The following STK4 variants were observed in gnomAD, a reference collection of about 807,000 sequenced individuals.
STK4 encodes serine/threonine kinase 4, also known as serine/threonine-protein kinase 4.
Under a neutral mutation model 64.9 loss-of-function variants are expected in STK4, and 30 were observed. The ratio of observed to expected loss-of-function variants is 0.46; its 90% CI spans 0.35 to 0.63. The LOEUF is 0.63. Among genes scored for constraint, STK4 ranks in the 20% least tolerant of loss-of-function variants. The probability of loss-of-function intolerance (pLI) is 0.01; values close to 1 mark genes in which losing one functional copy is unlikely to be tolerated. For synonymous variants in STK4, 177 were observed against 199.0 expected (o/e 0.89, Z 0.93); for missense variants, 466 against 598.5 (o/e 0.78, Z 2.31).
chr20:44,970,067 A>C (rs1051521363), intron 1 of STK4, among the ~76,000 whole-genome samples: 2 of 152,134 alleles, frequency 1.3e-5, no homozygotes, highest in African/African-American at 4.8e-5. Context: ...ATAGCCCCGG[A>C]TCAAAAACAA....
At chr20:45,062,178 C>T (rs928893089) in intron 10 of STK4, among the ~76,000 whole-genome samples, 1 of 152,092 alleles carries the variant, frequency 6.6e-6, no homozygotes, top group African/African-American at 2.4e-5. Context: ...CCGTGCCTGG[C>T]CTCAGTATTT....
Position 45,054,130 on chromosome 20 carries a change from G to A in STK4, c.1306-20888G>A, listed in dbSNP as rs112584871. On this transcript the variant is annotated intron_variant, in intron 10 of 10. Coordinates refer to ENST00000372806, the MANE Select transcript of STK4 (RefSeq NM_006282.5). ...TGTTACCAAGGCAAGTGACTAAATCGTGGGTTCTCTGTATGCTAATGCTGC... is the reference window on the plus strand; with the variant it reads ...TGTTACCAAGGCAAGTGACTAAATCATGGGTTCTCTGTATGCTAATGCTGC... Among the ~76,000 whole-genome samples, 697 of 152,256 alleles carry A rather than the reference G, an allele frequency of 4.6e-3. 5 individuals are homozygous for A. The highest frequency in any genetic ancestry group is 0.016 in the African/African-American group (672 of 41,532).
chr20:44,969,224 A>G (rs1385417483), intron 1 of STK4, among the ~76,000 whole-genome samples: 2 of 152,240 alleles, frequency 1.3e-5, no homozygotes, highest in East Asian at 3.8e-4. Flanking sequence ...AGCTGGGGAC[A>G]CAGTTTTATT....
intron 7 of STK4, among the ~76,000 whole-genome samples, chr20:44,999,487 G>A (rs906251098): frequency 6.6e-6 from 1 of 152,180 alleles, no homozygotes; most frequent in Non-Finnish European, 1.5e-5. Context: ...GACAATATTG[G>A]AGTAAGTTTG....
At chr20:45,024,376 T>G (rs2068306743) in intron 9 of STK4, among the ~76,000 whole-genome samples, 2 of 152,102 alleles carry the variant, frequency 1.3e-5, no homozygotes, top group Non-Finnish European at 2.9e-5. Context: ...TGTATCCTAT[T>G]TTTTCCTGTA....
At chr20:45,068,666 A>G (rs1270300600) in intron 10 of STK4, among the ~76,000 whole-genome samples, 1 of 152,142 alleles carries the variant, frequency 6.6e-6, no homozygotes. Context: ...TGTTTCTTCC[A>G]GTTGCTTGTT....
At chr20:44,974,683 A>G (rs1379944739) in intron 2 of STK4, 3 of 151,888 alleles carry the variant, frequency 2.0e-5, no homozygotes, top group African/African-American at 7.3e-5. Context: ...ATTGGCCAGG[A>G]TGGTCTTGAT....
At chr20:45,017,857 T>C (rs1396189710) in intron 9 of STK4, among the ~76,000 whole-genome samples, 3 of 152,210 alleles carry the variant, frequency 2.0e-5, no homozygotes, top group Admixed American at 1.3e-4. Context: ...TAGAGCACCA[T>C]TGCCCAGAAA....
At chr20:44,986,020 T>C (rs2067524760) in intron 4 of STK4, among the ~76,000 whole-genome samples, 1 of 152,230 alleles carries the variant, frequency 6.6e-6, no homozygotes, top group Non-Finnish European at 1.5e-5. Flanking sequence ...AGATATTCTA[T>C]ACTAGTTTCT....
At chr20:45,002,502 CACAG>C (rs909247474) in intron 9 of STK4, among the ~76,000 whole-genome samples, 10 of 152,156 alleles carry the variant, frequency 6.6e-5, no homozygotes, top group Non-Finnish European at 4.4e-5. Flanking sequence ...ACAATTTGTT[CACAG>C]ACAGTCTGTT....
At chr20:44,971,723 C>T (rs1216922421) in intron 1 of STK4, among the ~76,000 whole-genome samples, 1 of 132,286 alleles carries the variant, frequency 7.6e-6, no homozygotes, top group African/African-American at 2.9e-5. Flanking sequence ...CAAGCTTGAG[C>T]GTAGTGGCGC....
chr20:44,979,318 T>C (rs1210944512), intron 3 of STK4, among the ~76,000 whole-genome samples: 2 of 152,178 alleles, frequency 1.3e-5, no homozygotes, highest in African/African-American at 2.4e-5. Flanking sequence ...GTTATGTATA[T>C]ACTACTGTTT....
intron 3 of STK4, among the ~76,000 whole-genome samples, chr20:44,979,828 C>T (rs2067406265): frequency 6.8e-6 from 1 of 147,980 alleles, no homozygotes; most frequent in African/African-American, 2.5e-5. Context: ...CCCCATTTTT[C>T]TTGATTGGAT....
intron 3 of STK4, among the ~76,000 whole-genome samples, chr20:44,979,684 G>C (rs925705252): frequency 1.3e-5 from 2 of 152,148 alleles, no homozygotes; most frequent in African/African-American, 2.4e-5. Context: ...TTAGGGTTTA[G>C]GTGGGGCTAC....
chr20:45,020,543 A>G (rs144324483), intron 9 of STK4, among the ~76,000 whole-genome samples: 3 of 152,074 alleles, frequency 2.0e-5, no homozygotes, highest in East Asian at 3.9e-4. Flanking sequence ...CTTTTGCTGC[A>G]TTGTAAACCA....
intron 9 of STK4, among the ~76,000 whole-genome samples, chr20:45,022,862 G>A (rs1037033235): frequency 3.3e-5 from 5 of 152,122 alleles, no homozygotes; most frequent in African/African-American, 1.2e-4. Flanking sequence ...TCATTTATCT[G>A]TGCATATATA....
intron 9 of STK4, among the ~76,000 whole-genome samples, chr20:45,024,251 A>G (rs562774699): frequency 3.3e-5 from 5 of 151,564 alleles, no homozygotes; most frequent in East Asian, 3.9e-4. Flanking sequence ...AAAATCACCA[A>G]TAGTCCTACT....
intron 10 of STK4, among the ~76,000 whole-genome samples, chr20:45,074,746 T>G (rs1211784844): frequency 6.6e-6 from 1 of 152,196 alleles, no homozygotes; most frequent in Non-Finnish European, 1.5e-5. Context: ...GGTGAGAGTA[T>G]TATTCACTAA....
chr20:45,025,947 A>C (rs1245408925), intron 10 of STK4, among the ~76,000 whole-genome samples: 1 of 152,156 alleles, frequency 6.6e-6, no homozygotes, highest in Non-Finnish European at 1.5e-5. Flanking sequence ...TTCTTCCATA[A>C]CTTAATTTCT....
Sources: allele counts gnomAD v4.1 joint callset (sites outside exome capture counted in the v4.1 genomes callset), GRCh38; gene constraint gnomAD v4.1.1; transcripts MANE v1.5; gene names NCBI Gene and HGNC (gene_info 2026-07-23, HGNC 2026-07-21).